The following KCNQ1 variants were observed in gnomAD, a reference collection of about 807,000 sequenced individuals.
KCNQ1 encodes potassium voltage-gated channel subfamily Q member 1.
KCNQ1 carries 49 observed loss-of-function variants against 72.4 expected under a neutral mutation model. That is an observed-to-expected ratio of 0.68 (90% confidence interval 0.54 to 0.86). The LOEUF (loss-of-function observed/expected upper bound fraction) is 0.86. Ranked by LOEUF, KCNQ1 falls within the 40% of genes least tolerant of loss-of-function variation. KCNQ1 has a pLI of 0.00. For missense variants in KCNQ1, 790 were observed against 945.1 expected, an observed-to-expected ratio of 0.84 and a Z score of 2.15; for synonymous variants, 450 against 412.6, an observed-to-expected ratio of 1.09 and a Z score of -1.10.
intron 1 of KCNQ1, among the ~76,000 whole-genome samples, chr11:2,506,233 A>AT (rs1413106650): frequency 5.3e-5 from 8 of 152,238 alleles, no homozygotes; most frequent in South Asian, 4.1e-4. Context: ...TATTGAGTTA[A>AT]TTTTTTATAT....
intron 1 of KCNQ1, among the ~76,000 whole-genome samples, chr11:2,523,487 G>A (rs1052757676): frequency 1.3e-5 from 2 of 152,158 alleles, no homozygotes; most frequent in Non-Finnish European, 2.9e-5. Flanking sequence ...GGTGTGAGCC[G>A]CCGCGCCCGG....
Position 2,481,823 on chromosome 11 carries a change from G to A in KCNQ1, c.386+36339G>A, listed in dbSNP as rs1019111693. 3.9e-5 allele frequency among the ~76,000 whole-genome samples: 6 copies of A among 152,030 alleles called. No individual in the cohort carries two copies. The highest frequency in any genetic ancestry group is 1.4e-4 in the African/African-American group (6 of 41,382). On this transcript the variant is annotated intron_variant, in intron 1 of 15. Transcript: ENST00000155840. This position sits in a 1 kb window ranked among gnomAD's most constrained non-coding sequence, Gnocchi z 4.6. ...TCTAGTTGCAGGAAAACAAGCTCAGGGCTCTCACTGATTCTACATTATGGT... is the reference window on the plus strand; with the variant it reads ...TCTAGTTGCAGGAAAACAAGCTCAGAGCTCTCACTGATTCTACATTATGGT...
At chr11:2,531,085 C>A (rs569565044) in intron 2 of KCNQ1, among the ~76,000 whole-genome samples, 1 of 152,302 alleles carries the variant, frequency 6.6e-6, no homozygotes, top group Admixed American at 6.5e-5. Context: ...CAGGTCCTCA[C>A]TTCCTAGGTG....
intron 15 of KCNQ1, among the ~76,000 whole-genome samples, chr11:2,810,967 G>A (rs1409018652): frequency 6.6e-6 from 1 of 152,210 alleles, no homozygotes; most frequent in Non-Finnish European, 1.5e-5. Flanking sequence ...GGTGCTGTGG[G>A]CCTGATGTGT....
chr11:2,676,329 G>T lies in KCNQ1; in HGVS notation c.1514+14248G>T. On this transcript the variant is annotated intron_variant, in intron 11 of 15. Coordinates refer to ENST00000155840, the MANE Select transcript of KCNQ1 (RefSeq NM_000218.3). The surrounding 1 kb of genome is among the most constrained non-coding windows in gnomAD (Gnocchi z 4.2). ...ACAGGTGATGGCTCTGAACAGTGTA[G>T]TTGAAGTGCTGTTTTCTCATGGTTG... 1 of 398,672 alleles carries T rather than the reference G, an allele frequency of 2.5e-6. No homozygotes were observed. Among genetic ancestry groups the T allele is most frequent in the Non-Finnish European group, 4.4e-6 (1 of 226,080 alleles). 24.7% of individuals were successfully genotyped at this position (398,672 alleles called of 1,614,324 possible).
intron 11 of KCNQ1, chr11:2,693,135 C>T: frequency 1.0e-5 from 4 of 398,632 alleles, no homozygotes; most frequent in Non-Finnish European, 1.8e-5. Flanking sequence ...TGTCAATCAC[C>T]AGATAGCCCT....
rs1847293833 is a variant in KCNQ1, at chr11:2,516,688, C to A, written c.387-11240C>A. ...CTTTGCCGGGATCCTCATGCTACGG[C>A]CACCACCTGATTTTGTCGATAAAGT... On this transcript the variant is annotated intron_variant, in intron 1 of 15. Coordinates refer to ENST00000155840, the MANE Select transcript of KCNQ1 (RefSeq NM_000218.3). This position sits in a 1 kb window ranked among gnomAD's most constrained non-coding sequence, Gnocchi z 7.0. Among the ~76,000 whole-genome samples the A allele has an allele frequency of 6.6e-6, 1 of 152,138 alleles. No homozygotes were observed. The highest frequency in any genetic ancestry group is 6.5e-5 in the Admixed American group (1 of 15,282).
chr11:2,738,243 C>T (rs1845991565), intron 11 of KCNQ1, among the ~76,000 whole-genome samples: 1 of 150,620 alleles, frequency 6.6e-6, no homozygotes, highest in Admixed American at 6.6e-5. Context: ...CCTTACTGAG[C>T]CCAGGGGGAG....
chr11:2,820,001 AT>A (rs1261442235), intron 15 of KCNQ1, among the ~76,000 whole-genome samples: 1 of 152,208 alleles, frequency 6.6e-6, no homozygotes, highest in Non-Finnish European at 1.5e-5. Context: ...CTTAAGGTTT[AT>A]CTACTTTACT....
At chr11:2,519,701 T>C (rs768261115) in intron 1 of KCNQ1, among the ~76,000 whole-genome samples, 2 of 152,170 alleles carry the variant, frequency 1.3e-5, no homozygotes, top group African/African-American at 4.8e-5. Flanking sequence ...ATTCTGTTGT[T>C]TAAGAATTCA....
chr11:2,766,652 A>AC lies in KCNQ1; in HGVS notation c.1515-2191dup. Among the ~76,000 whole-genome samples the AC allele has an allele frequency of 6.6e-6, 1 of 152,026 alleles. No individual in the cohort carries two copies. Among genetic ancestry groups the AC allele is most frequent in the South Asian group, 2.1e-4 (1 of 4,808 alleles). Reference sequence around the variant, plus strand: ...TCGCATTCTCCCCTATGCAAAATTCACTCACCCCCCTCCCGACGATACCTA... The same window carrying AC: ...TCGCATTCTCCCCTATGCAAAATTCACCTCACCCCCCTCCCGACGATACCTA... On this transcript the variant is annotated intron_variant, in intron 11 of 15. Coordinates refer to ENST00000155840, the MANE Select transcript of KCNQ1 (RefSeq NM_000218.3). This position sits in a 1 kb window ranked among gnomAD's most constrained non-coding sequence, Gnocchi z 4.4.
In KCNQ1 at chr11:2,486,195, T is replaced by A. The variant is rs1338421214; in HGVS notation, c.386+40711T>A. Among the ~76,000 whole-genome samples, 3 of 152,186 alleles carry A rather than the reference T, an allele frequency of 2.0e-5. No individual in the cohort carries two copies. The highest frequency in any genetic ancestry group is 4.4e-5 in the Non-Finnish European group (3 of 68,030). ...GGTTTTTTAATAGTAGCCATTCTAGTGGGTGTGCAGTGGTATCTCATTATA... is the reference window on the plus strand; with the variant it reads ...GGTTTTTTAATAGTAGCCATTCTAGAGGGTGTGCAGTGGTATCTCATTATA... On this transcript the variant is annotated intron_variant, in intron 1 of 15. Coordinates refer to ENST00000155840, the MANE Select transcript of KCNQ1 (RefSeq NM_000218.3). The surrounding 1 kb of genome is among the most constrained non-coding windows in gnomAD (Gnocchi z 5.0).
intron 12 of KCNQ1, among the ~76,000 whole-genome samples, chr11:2,775,128 G>A (rs954752501): frequency 6.6e-6 from 1 of 152,234 alleles, no homozygotes; most frequent in Admixed American, 6.5e-5. Flanking sequence ...TGCCTGCAGG[G>A]CCAAGGCCTT....
intron 1 of KCNQ1, among the ~76,000 whole-genome samples, chr11:2,511,868 C>G (rs1847211598): frequency 1.3e-5 from 2 of 152,178 alleles, no homozygotes; most frequent in South Asian, 4.1e-4. Context: ...TGGAGCCCGG[C>G]CTGGCCTGCA....
intron 1 of KCNQ1, among the ~76,000 whole-genome samples, chr11:2,489,465 C>T (rs1372038827): frequency 4.6e-5 from 7 of 152,198 alleles, no homozygotes; most frequent in African/African-American, 1.4e-4. Flanking sequence ...ACTTGTAAGG[C>T]AGTCTAGGCC....
chr11:2,530,605 C>T (rs1847604192), intron 2 of KCNQ1, among the ~76,000 whole-genome samples: 1 of 152,202 alleles, frequency 6.6e-6, no homozygotes, highest in African/African-American at 2.4e-5. Context: ...GAGCTGTGTG[C>T]TTAAGTGTGC....
intron 1 of KCNQ1, chr11:2,521,476 C>A (rs769606706): frequency 1.2e-4 from 55 of 467,236 alleles, no homozygotes; most frequent in Non-Finnish European, 2.0e-4. Flanking sequence ...TTAATGTTTA[C>A]AGATTCAAGA....
chr11:2,579,050 A>G lies in KCNQ1; in HGVS notation c.922-4385A>G, dbSNP rs940454570. On this transcript the variant is annotated intron_variant, in intron 6 of 15. Transcript: ENST00000155840. The surrounding 1 kb of genome is among the most constrained non-coding windows in gnomAD (Gnocchi z 6.0). ...CCCTTCCTCTGGACAGACGACCACC[A>G]CATCTCCAGCCAGGACCACCCCTTC... 6.6e-6 allele frequency among the ~76,000 whole-genome samples: 1 copy of G among 151,888 alleles called. No homozygotes were observed. The highest frequency in any genetic ancestry group is 2.4e-5 in the African/African-American group (1 of 41,350).
intron 15 of KCNQ1, among the ~76,000 whole-genome samples, chr11:2,794,869 A>G (rs336986): frequency 0.12 from 18,826 of 152,200 alleles, 1,295 homozygotes; most frequent in Non-Finnish European, 0.16. Context: ...GGAGGTCCAC[A>G]GATTACCTTG....
Sources: gnomAD v4.1 joint callset for allele counts (sites outside exome capture counted in the v4.1 genomes callset) on GRCh38, gnomAD v4.1.1 for gene constraint, Gnocchi (gnomAD v3.1) non-coding constraint, MANE v1.5 for transcripts, NCBI Gene and HGNC (gene_info 2026-07-23, HGNC 2026-07-21) for gene names.